PARVB: variants seen among roughly 807,000 people sequenced by gnomAD.
PARVB encodes the protein beta-parvin.
In PARVB, 46 loss-of-function variants were observed where a neutral mutation model predicts 47.0. That is an observed-to-expected ratio of 0.98 (90% confidence interval 0.77 to 1.25). The LOEUF is 1.25. Ranked by LOEUF, PARVB falls within the 50% of genes most tolerant of loss-of-function variation. The pLI, the probability that PARVB is intolerant of heterozygous loss-of-function variation, is 0.00. For missense variants in PARVB, 473 were observed against 471.6 expected, an observed-to-expected ratio of 1.00 and a Z score of -0.03; for synonymous variants, 196 against 196.3, an observed-to-expected ratio of 1.00 and a Z score of 0.01.
chr22:44,002,241 C>T (rs945934125), intron 2 of PARVB, among the ~76,000 whole-genome samples: 2 of 152,226 alleles, frequency 1.3e-5, no homozygotes, highest in East Asian at 1.9e-4. Context: ...CCGTGGACCA[C>T]GCTTCGGGAA....
At chr22:44,090,904 G>C (rs1317535117) in intron 1 of PARVB, among the ~76,000 whole-genome samples, 1 of 152,164 alleles carries the variant, frequency 6.6e-6, no homozygotes, top group Middle Eastern at 3.2e-3. Context: ...ACTTTTCCCT[G>C]TTTCCTTTCT....
At chr22:44,009,254 A>G (rs906873895) in intron 2 of PARVB, among the ~76,000 whole-genome samples, 1 of 152,356 alleles carries the variant, frequency 6.6e-6, no homozygotes, top group African/African-American at 2.4e-5. Flanking sequence ...TAGGTATGCT[A>G]TGTGGATGAG....
At chr22:44,095,452 C>T (rs1023914450) in intron 2 of PARVB, among the ~76,000 whole-genome samples, 7 of 151,052 alleles carry the variant, frequency 4.6e-5, no homozygotes, top group African/African-American at 1.2e-4. Context: ...TGCAGTGAGC[C>T]GAGATCGCAC....
rs2053923180 is a variant in PARVB, at chr22:44,155,948, C to A, written c.844-2034C>A. ...TGGGTGGATCATGAGGTCAGGAGTT[C>A]AAGACCAGCCTGACCAACATGGTGA... On this transcript the variant is annotated intron_variant, in intron 10 of 12. Transcript: ENST00000338758. This position sits in a 1 kb window ranked among gnomAD's most constrained non-coding sequence, Gnocchi z 4.8. Among the ~76,000 whole-genome samples, 2 of 152,074 alleles carry A rather than the reference C, an allele frequency of 1.3e-5. No homozygotes were observed. Among genetic ancestry groups the A allele is most frequent in the African/African-American group, 4.8e-5 (2 of 41,388 alleles).
intron 1 of PARVB, chr22:44,026,477 C>A: frequency 2.5e-6 from 1 of 398,146 alleles, no homozygotes; most frequent in Non-Finnish European, 3.4e-6. Flanking sequence ...GAGGGACAGG[C>A]TGGATTGGGA....
At chr22:44,123,994 G>A (rs1015530878) in intron 4 of PARVB, among the ~76,000 whole-genome samples, 1 of 152,264 alleles carries the variant, frequency 6.6e-6, no homozygotes, top group African/African-American at 2.4e-5. Context: ...GCCAAGAGCA[G>A]AACTAAGGAG....
In PARVB at chr22:44,014,933, C is replaced by T. The variant is rs148511134; in HGVS notation, c.211+15260C>T. Among the ~76,000 whole-genome samples the T allele has an allele frequency of 1.3e-3, 196 of 151,904 alleles. No homozygotes were observed. In the Middle Eastern group the frequency reaches 0.017, roughly 13 times the overall value. ...TGGTGCAATCTCAGCTCACTGCAAC[C>T]TCCGCACCCTGGGTTCAAGCAACTC... is the stretch of plus-strand genomic sequence containing the variant. On this transcript the variant is annotated intron_variant, in intron 2 of 13. Coordinates refer to the PARVB transcript ENST00000406477.
upstream of PARVB, among the ~76,000 whole-genome samples, chr22:44,019,748 A>G (rs2050625460): frequency 6.6e-6 from 1 of 152,196 alleles, no homozygotes; most frequent in Non-Finnish European, 1.5e-5. Flanking sequence ...ACTCATTACT[A>G]TGAGGATGGC....
At chr22:44,023,280 G>A (rs906282258), upstream of PARVB, among the ~76,000 whole-genome samples, 5 of 151,960 alleles carry the variant, frequency 3.3e-5, no homozygotes, top group African/African-American at 1.2e-4. Context: ...GGAGGCCGAG[G>A]CAGGCGGATC....
chr22:44,015,678 G>A (rs1388832156), intron 2 of PARVB, among the ~76,000 whole-genome samples: 1 of 152,156 alleles, frequency 6.6e-6, no homozygotes, highest in African/African-American at 2.4e-5. Flanking sequence ...AATTAGCTGT[G>A]GGTGATGATG....
At chr22:44,106,386 G>T (rs2052569671) in intron 3 of PARVB, 1 of 152,170 alleles carries the variant, frequency 6.6e-6, no homozygotes, top group Non-Finnish European at 1.5e-5. Flanking sequence ...GGACTGTGAT[G>T]ATCTAATGCT....
intron 1 of PARVB, among the ~76,000 whole-genome samples, chr22:44,059,201 A>G (rs1156270648): frequency 6.6e-6 from 1 of 151,972 alleles, no homozygotes; most frequent in Non-Finnish European, 1.5e-5. Context: ...ATCCGCCACC[A>G]CACCCAGCTA....
Position 44,155,451 on chromosome 22 carries a change from C to T in PARVB, c.844-2531C>T, listed in dbSNP as rs2053910620. ...CCCCAGCCCTGCCCTCTCCTTGTGG[C>T]CGTCCCTCCCTCCTTCCTGTGAGCC... is the stretch of plus-strand genomic sequence containing the variant. On this transcript the variant is annotated intron_variant, in intron 10 of 12. Coordinates refer to ENST00000338758, the MANE Select transcript of PARVB (RefSeq NM_013327.5). This position sits in a 1 kb window ranked among gnomAD's most constrained non-coding sequence, Gnocchi z 4.8. Among the ~76,000 whole-genome samples the T allele has an allele frequency of 6.6e-6, 1 of 152,162 alleles. No individual in the cohort carries two copies. Among genetic ancestry groups the T allele is most frequent in the Non-Finnish European group, 1.5e-5 (1 of 68,028 alleles).
chr22:44,024,446 G>A lies in PARVB; in HGVS notation c.107G>A (p.Arg36His), dbSNP rs1431504349. The A allele has an allele frequency of 5.1e-6, 6 of 1,183,248 alleles. No homozygotes were observed. In the African/African-American group the frequency reaches 8.2e-5, roughly 16 times the overall value. 73.3% of individuals were successfully genotyped at this position (1,183,248 alleles called of 1,614,324 possible). Residue 36 changes from arginine (R) to histidine (H), a missense_variant, in exon 1 of 13, where the codon CGC (arginine) becomes CAC (histidine). By Grantham distance (29) the Arg-to-His change is conservative. Coordinates refer to ENST00000338758, the MANE Select transcript of PARVB (RefSeq NM_013327.5). The part of the protein sequence containing the change: ...GGTLARKRRA[R>H]EVSDLQEEGK... ...ACCCTGGCCAGGAAGCGGAGGGCGC[G>A]CGAGGGTGAGTGCGCGCCCGCGCCC...
At chr22:44,090,228 G>A (rs2052132756) in intron 1 of PARVB, among the ~76,000 whole-genome samples, 1 of 152,238 alleles carries the variant, frequency 6.6e-6, no homozygotes, top group South Asian at 2.1e-4. Context: ...GTGGCAATGC[G>A]AGATTTGGAC....
intron 2 of PARVB, among the ~76,000 whole-genome samples, chr22:44,007,597 C>T (rs1569045901): frequency 1.3e-5 from 2 of 152,150 alleles, no homozygotes; most frequent in African/African-American, 2.4e-5. Context: ...TCCAATCCCC[C>T]AAGGCAAGAC....
intron 7 of PARVB, chr22:44,139,207 G>GTTTA (rs1555910197): frequency 1.3e-5 from 2 of 152,136 alleles, no homozygotes; most frequent in South Asian, 2.1e-4. Context: ...GTGTTTGTTT[G>GTTTA]TTTATTTATT....
intron 7 of PARVB, among the ~76,000 whole-genome samples, chr22:44,138,823 G>T (rs1279860202): frequency 1.3e-5 from 2 of 152,168 alleles, no homozygotes; most frequent in Non-Finnish European, 2.9e-5. Flanking sequence ...CATCCTGAGG[G>T]CAGGGCCACA....
intron 4 of PARVB, among the ~76,000 whole-genome samples, chr22:44,129,205 G>T (rs1012949880): frequency 6.6e-6 from 1 of 152,214 alleles, no homozygotes; most frequent in Non-Finnish European, 1.5e-5. Flanking sequence ...TGCACAGAGG[G>T]AGACCAAGTA....
Sources: allele counts gnomAD v4.1 joint callset (sites outside exome capture counted in the v4.1 genomes callset), GRCh38; gene constraint gnomAD v4.1.1; non-coding constraint Gnocchi (gnomAD v3.1); transcripts MANE v1.5; gene names NCBI Gene and HGNC (gene_info 2026-07-23, HGNC 2026-07-21).